Variants in FMN1 observed in about 807,000 individuals in gnomAD.
FMN1 encodes the protein formin-1.
Under a neutral mutation model 132.4 loss-of-function variants are expected in FMN1, and 110 were observed. The observed-to-expected ratio is 0.83, with a 90% CI of 0.71 to 0.97. The LOEUF (loss-of-function observed/expected upper bound fraction) is 0.97, where lower values mean the gene tolerates loss of function less well. Among genes scored for constraint, FMN1 ranks in the 50% least tolerant of loss-of-function variants. FMN1 has a pLI of 0.00. For missense variants in FMN1, 1,792 were observed against 1,705.3 expected (o/e 1.05, Z -0.90); for synonymous variants, 722 against 651.7 (o/e 1.11, Z -1.64).
chr15:32,930,257 G>C (rs895227901), intron 9 of FMN1, among the ~76,000 whole-genome samples: 1 of 151,978 alleles, frequency 6.6e-6, no homozygotes, highest in African/African-American at 2.4e-5. Context: ...CAAATGCTGG[G>C]ATTACAGGCG....
At chr15:33,060,747 T>G (rs545012399) in intron 6 of FMN1, among the ~76,000 whole-genome samples, 3 of 152,332 alleles carry the variant, frequency 2.0e-5, no homozygotes, top group South Asian at 2.1e-4. Flanking sequence ...AGATGCACAT[T>G]GAGAGAGAAA....
chr15:33,090,208 A>G (rs1413418285), intron 4 of FMN1, among the ~76,000 whole-genome samples: 1 of 152,240 alleles, frequency 6.6e-6, no homozygotes, highest in African/African-American at 2.4e-5. Context: ...AATATACGAC[A>G]GAGTGTTTAT....
chr15:33,033,402 C>A (rs568769906), intron 6 of FMN1, among the ~76,000 whole-genome samples: 38 of 152,290 alleles, frequency 2.5e-4, no homozygotes, highest in African/African-American at 9.1e-4. Context: ...CATCCTCCCG[C>A]CTACCACAGT....
rs371290684 is a variant in FMN1 at position 32,866,161 on chromosome 15, G to A, written c.3836-9054C>T. ...GTTAATGGGTACAGCACACCAACATGACAAATCTATACATATGTAACAAAC... is the reference window on the plus strand; with the variant it reads ...GTTAATGGGTACAGCACACCAACATAACAAATCTATACATATGTAACAAAC... On this transcript the variant is annotated intron_variant, in intron 16 of 20. Transcript: ENST00000616417. Among the ~76,000 whole-genome samples, 6 of 148,434 alleles carry A rather than the reference G, an allele frequency of 4.0e-5. No homozygotes were observed. The East Asian group carries it at 7.8e-4, about 19-fold the overall frequency.
At chr15:33,133,296 A>G (rs1963627107) in intron 4 of FMN1, among the ~76,000 whole-genome samples, 1 of 152,224 alleles carries the variant, frequency 6.6e-6, no homozygotes, top group Non-Finnish European at 1.5e-5. Context: ...CTCTAGTCCC[A>G]GTTCCAGCAC....
At chr15:32,850,177 T>G (rs1229817685) in intron 17 of FMN1, among the ~76,000 whole-genome samples, 1 of 152,044 alleles carries the variant, frequency 6.6e-6, no homozygotes, top group Non-Finnish European at 1.5e-5. Context: ...GTAAAGGACG[T>G]CAGAATTATT....
intron 16 of FMN1, among the ~76,000 whole-genome samples, chr15:32,872,365 A>T (rs555875209): frequency 1.1e-3 from 163 of 152,344 alleles, no homozygotes; most frequent in African/African-American, 3.8e-3. Context: ...TTAGTGCAAG[A>T]CAATGGTTAA....
chr15:33,126,250 T>C (rs1485211781), intron 4 of FMN1, among the ~76,000 whole-genome samples: 2 of 152,092 alleles, frequency 1.3e-5, no homozygotes, highest in Non-Finnish European at 2.9e-5. Context: ...AGAAGGAAGA[T>C]GGGTGGAAAG....
At position 32,919,115 on chromosome 15, in the gene FMN1, C is replaced by T. The variant is rs192543862; in HGVS notation, c.3226+7059G>A. Reference sequence around the variant, plus strand: ...CTTTTGGTGGATAAACTCTTTCAGACGTGGCATGCTCACTTGTTCCTTTGC... The same window carrying T: ...CTTTTGGTGGATAAACTCTTTCAGATGTGGCATGCTCACTTGTTCCTTTGC... On this transcript the variant is annotated intron_variant, in intron 10 of 20. Transcript: ENST00000616417. 2.4e-3 allele frequency among the ~76,000 whole-genome samples: 365 copies of T among 152,118 alleles called. 3 individuals are homozygous for T. In the South Asian group the frequency reaches 0.025, roughly 11 times the overall value.
intron 4 of FMN1, among the ~76,000 whole-genome samples, chr15:33,134,159 G>A (rs1963663470): frequency 6.6e-6 from 1 of 152,004 alleles, no homozygotes; most frequent in African/African-American, 2.4e-5. Context: ...ATGCTGGTCG[G>A]GCTGGTCTCA....
chr15:32,814,720 A>G (rs2057996575), intron 17 of FMN1, among the ~76,000 whole-genome samples: 2 of 152,188 alleles, frequency 1.3e-5, no homozygotes, highest in African/African-American at 4.8e-5. Context: ...TCATCTTAAC[A>G]TTAGCACTAG....
rs2060847769 is a variant in FMN1, at chr15:32,922,306, TTTAAGA to T, written c.3226+3862_3226+3867del. Among the ~76,000 whole-genome samples the T allele has an allele frequency of 3.3e-5, 5 of 152,194 alleles. No homozygotes were observed. The South Asian group carries it at 6.2e-4, about 19-fold the overall frequency. On this transcript the variant is annotated intron_variant, in intron 10 of 20. Transcript: ENST00000616417. ...TACATGGCATTCTGATCCTATCTAG[TTTAAGA>T]TTAAGTCTGTATTTTTTAAAAATTG...
At chr15:33,004,084 A>G (rs1244805397) in intron 7 of FMN1, among the ~76,000 whole-genome samples, 1 of 152,178 alleles carries the variant, frequency 6.6e-6, no homozygotes, top group Non-Finnish European at 1.5e-5. Context: ...CTAAAACCAT[A>G]AAAACCCTAG....
chr15:33,086,552 T>G (rs2038704175), intron 5 of FMN1, among the ~76,000 whole-genome samples: 1 of 151,788 alleles, frequency 6.6e-6, no homozygotes, highest in East Asian at 1.9e-4. Context: ...TTAGCCAATT[T>G]TAAAAAACAC....
chr15:33,076,437 G>C (rs781636755), intron 5 of FMN1, among the ~76,000 whole-genome samples: 1 of 152,050 alleles, frequency 6.6e-6, no homozygotes, highest in Non-Finnish European at 1.5e-5. Flanking sequence ...GTTATCTTGA[G>C]AATATTAGTT....
chr15:33,071,447 G>A (rs1490561330), intron 5 of FMN1, among the ~76,000 whole-genome samples: 1 of 152,126 alleles, frequency 6.6e-6, no homozygotes, highest in East Asian at 1.9e-4. Flanking sequence ...TCATAAATGA[G>A]CACCAACAAT....
chr15:32,800,554 GAGA>G (rs2057443627), intron 18 of FMN1, among the ~76,000 whole-genome samples: 1 of 152,186 alleles, frequency 6.6e-6, no homozygotes, highest in African/African-American at 2.4e-5. Flanking sequence ...TACATAAGTA[GAGA>G]GTTATATAAC....
intron 5 of FMN1, among the ~76,000 whole-genome samples, chr15:33,084,050 C>A (rs1377114833): frequency 6.6e-6 from 1 of 152,208 alleles, no homozygotes; most frequent in Admixed American, 6.5e-5. Context: ...GAAATCCCTG[C>A]CCCTTTCCTG....
Position 32,930,721 on chromosome 15 carries a change from G to T in FMN1, c.3139-4460C>A, listed in dbSNP as rs373556788. ...TGCATCTGTTATTTTTGCTTTTTTT[G>T]GGGGGGGGCGGTCTATGCTTTTCAT... is the stretch of plus-strand genomic sequence containing the variant. On this transcript the variant is annotated intron_variant, in intron 9 of 20. Coordinates refer to ENST00000616417, the MANE Select transcript of FMN1 (RefSeq NM_001277313.2). Among the ~76,000 whole-genome samples the T allele has an allele frequency of 3.8e-4, 54 of 142,150 alleles. 1 individual carries two copies. The East Asian group carries it at 5.2e-3, about 14-fold the overall frequency. 93.3% of individuals were successfully genotyped at this position (142,150 alleles called of 152,430 possible). A position where few individuals can be genotyped will look rare whatever the true frequency, so the allele number is the denominator to read the frequency against.
Sources: allele counts gnomAD v4.1 joint callset (sites outside exome capture counted in the v4.1 genomes callset), GRCh38; gene constraint gnomAD v4.1.1; transcripts MANE v1.5; gene names NCBI Gene and HGNC (gene_info 2026-07-23, HGNC 2026-07-21).